The following TPD52L1 variants were observed in gnomAD, a reference collection of about 807,000 sequenced individuals.
TPD52L1 encodes the protein TPD52 like 1.
A neutral mutation model predicts 28.7 loss-of-function variants in TPD52L1; 18 were observed. That is an observed-to-expected ratio of 0.63 (90% CI 0.43 to 0.93). The LOEUF is 0.93. TPD52L1 is among the 40% of genes least tolerant of loss of function. The pLI, the probability that TPD52L1 is intolerant of heterozygous loss-of-function variation, is 0.00. For missense variants in TPD52L1, 203 were observed against 254.8 expected, an observed-to-expected ratio of 0.80 and a Z score of 1.39; for synonymous variants, 75 against 88.8, an observed-to-expected ratio of 0.84 and a Z score of 0.88.
intron 1 of TPD52L1, among the ~76,000 whole-genome samples, chr6:125,203,162 T>C (rs977316460): frequency 2.0e-5 from 3 of 152,192 alleles, no homozygotes; most frequent in Non-Finnish European, 2.9e-5. Context: ...TTTAAAGGTT[T>C]AGATGGTCTG....
At chr6:125,253,691 C>T (rs749101914) in intron 4 of TPD52L1, 26 bp from the exon 5 acceptor site, 30 of 1,605,696 alleles carry the variant, frequency 1.9e-5, no homozygotes, top group Non-Finnish European at 2.4e-5. Flanking sequence ...TTCTTTTTTC[C>T]CCTTTAATCT....
Position 125,263,710 on chromosome 6 carries a change from A to G in TPD52L1, c.*748A>G. The G allele has an allele frequency of 6.6e-6, 1 of 152,380 alleles. No individual in the cohort carries two copies. The highest frequency in any genetic ancestry group is 2.0e-4 in the South Asian group (1 of 4,934). 9.4% of individuals were successfully genotyped at this position (152,380 alleles called of 1,614,324 possible). A position where few individuals can be genotyped will look rare whatever the true frequency, so the allele number is the denominator to read the frequency against. On this transcript the variant is annotated 3_prime_UTR_variant, in exon 7 of 7. Transcript: ENST00000534000. Reference sequence around the variant, plus strand: ...ACAAAAAAAGAAAAAAATTAGCCAGACATAGTGTTGCTTGCCTGTAGTCCC... The same window carrying G: ...ACAAAAAAAGAAAAAAATTAGCCAGGCATAGTGTTGCTTGCCTGTAGTCCC...
chr6:125,173,282 A>C (rs1421727009), intron 1 of TPD52L1, among the ~76,000 whole-genome samples: 1 of 152,210 alleles, frequency 6.6e-6, no homozygotes, highest in Admixed American at 6.5e-5. Flanking sequence ...CAATCATTTA[A>C]GCCAAAGAAC....
chr6:125,237,896 G>A (rs759783994), intron 3 of TPD52L1, among the ~76,000 whole-genome samples: 1 of 152,086 alleles, frequency 6.6e-6, no homozygotes, highest in South Asian at 2.1e-4. Flanking sequence ...CTGACCTCAG[G>A]TGATCCACCC....
At chr6:125,167,332 CA>C (rs2114762773) in intron 1 of TPD52L1, among the ~76,000 whole-genome samples, 1 of 152,222 alleles carries the variant, frequency 6.6e-6, no homozygotes, top group African/African-American at 2.4e-5. Context: ...TTCCTTTCAG[CA>C]CGCATCATTT....
chr6:125,156,762 C>T (rs112333073), intron 1 of TPD52L1, among the ~76,000 whole-genome samples: 3 of 152,176 alleles, frequency 2.0e-5, no homozygotes, highest in East Asian at 1.9e-4. Context: ...GGGCAAGACT[C>T]TGTCTCAAAA....
intron 1 of TPD52L1, among the ~76,000 whole-genome samples, chr6:125,217,447 C>A (rs916268589): frequency 1.3e-5 from 2 of 152,176 alleles, no homozygotes; most frequent in East Asian, 3.8e-4. Context: ...TCATAAGGAG[C>A]ACGCAAGCTA....
At chr6:125,156,568 G>A (rs1790151745) in intron 1 of TPD52L1, among the ~76,000 whole-genome samples, 1 of 151,664 alleles carries the variant, frequency 6.6e-6, no homozygotes, top group Non-Finnish European at 1.5e-5. Context: ...CCAGGAGTTT[G>A]AGATCAGCCT....
At chr6:125,226,125 A>T (rs1795593355) in intron 2 of TPD52L1, among the ~76,000 whole-genome samples, 1 of 152,162 alleles carries the variant, frequency 6.6e-6, no homozygotes, top group South Asian at 2.1e-4. Flanking sequence ...AACTTTTGCG[A>T]TTAGTTTTTG....
chr6:125,170,939 T>C (rs58098062), intron 1 of TPD52L1, among the ~76,000 whole-genome samples: 1,852 of 152,188 alleles, frequency 0.012, 37 homozygotes, highest in African/African-American at 0.042. Flanking sequence ...CTGAGAGTGT[T>C]ACCAGGCATC....
intron 6 of TPD52L1, chr6:125,260,182 G>C (rs1583033055): frequency 6.6e-6 from 1 of 152,320 alleles, no homozygotes; most frequent in Non-Finnish European, 1.5e-5. Flanking sequence ...AAAGAGGAGA[G>C]AGGGAACTAT....
chr6:125,170,962 G>A (rs569555930), intron 1 of TPD52L1, among the ~76,000 whole-genome samples: 3 of 152,080 alleles, frequency 2.0e-5, no homozygotes, highest in East Asian at 1.9e-4. Context: ...TGAGCCTTTC[G>A]TGGGTAGACT....
intron 3 of TPD52L1, among the ~76,000 whole-genome samples, chr6:125,231,055 G>A (rs1394671736): frequency 4.6e-5 from 7 of 152,066 alleles, no homozygotes; most frequent in Non-Finnish European, 8.8e-5. Context: ...TTCCACTTTC[G>A]TGGCCAATAC....
intron 1 of TPD52L1, among the ~76,000 whole-genome samples, chr6:125,181,593 G>A (rs925371819): frequency 3.9e-5 from 6 of 152,212 alleles, no homozygotes; most frequent in African/African-American, 1.4e-4. Context: ...TGAAGCATGT[G>A]TTATTTTACG....
chr6:125,250,409 C>T (rs1797192579), intron 4 of TPD52L1, among the ~76,000 whole-genome samples: 1 of 152,202 alleles, frequency 6.6e-6, no homozygotes, highest in Non-Finnish European at 1.5e-5. Context: ...CTTAGCTCAC[C>T]TGTATCTGGG....
chr6:125,214,152 C>T (rs972952601), intron 1 of TPD52L1, among the ~76,000 whole-genome samples: 6 of 152,060 alleles, frequency 3.9e-5, no homozygotes, highest in Non-Finnish European at 8.8e-5. Flanking sequence ...ATTTGCTAAC[C>T]ACTCGCTTCT....
In TPD52L1 at chr6:125,207,089, C is replaced by T. The variant is rs148895328; in HGVS notation, c.20-12989C>T. Among the ~76,000 whole-genome samples the T allele has an allele frequency of 7.9e-5, 12 of 152,246 alleles. 1 individual carries two copies. In the East Asian group the frequency reaches 2.3e-3, roughly 29 times the overall value. ...TGTCTTAGGGGATTAATTCAACAAA[C>T]ATTGGTTGATCAAGTCCTATCAGAA... On this transcript the variant is annotated intron_variant, in intron 1 of 6. Coordinates refer to ENST00000534000, the MANE Select transcript of TPD52L1 (RefSeq NM_003287.4).
rs114691958 is a variant in TPD52L1, at chr6:125,168,065, A to G, written c.19+14095A>G. Among the ~76,000 whole-genome samples the G allele has an allele frequency of 5.4e-3, 819 of 152,326 alleles. 6 individuals are homozygous for G. The highest frequency in any genetic ancestry group is 0.019 in the African/African-American group (774 of 41,576). ...CAGTTCTATCAAGCACTGCCAGTTT[A>G]TCACTTACTATCTCAAATCTTTCAG... On this transcript the variant is annotated intron_variant, in intron 1 of 6. Coordinates refer to ENST00000534000, the MANE Select transcript of TPD52L1 (RefSeq NM_003287.4).
At chr6:125,202,179 A>C (rs933428587) in intron 1 of TPD52L1, among the ~76,000 whole-genome samples, 3 of 152,162 alleles carry the variant, frequency 2.0e-5, no homozygotes, top group Admixed American at 2.0e-4. Context: ...TAAAAATCTC[A>C]GGCCTGTCTG....
Sources: allele counts gnomAD v4.1 joint callset (sites outside exome capture counted in the v4.1 genomes callset), GRCh38; gene constraint gnomAD v4.1.1; transcripts MANE v1.5; gene names NCBI Gene and HGNC (gene_info 2026-07-23, HGNC 2026-07-21).